Variants in TMOD4 observed in about 807,000 individuals in gnomAD.
TMOD4 encodes the protein tropomodulin-4.
Under a neutral mutation model 45.4 loss-of-function variants are expected in TMOD4, and 34 were observed. The observed-to-expected ratio is 0.75, with a 90% confidence interval of 0.57 to 1.00. TMOD4 has a LOEUF of 1.00. Ranked by LOEUF, TMOD4 falls within the 50% of genes least tolerant of loss-of-function variation. TMOD4 has a pLI of 0.00. For synonymous variants in TMOD4, 131 were observed against 153.9 expected (o/e 0.85, Z 1.10); for missense variants, 399 against 437.5 (o/e 0.91, Z 0.78).
chr1:151,171,764 C>A lies in TMOD4; in HGVS notation c.488-1G>T, dbSNP rs142974975. ...TTATACTTGTCAGGCTGTACCACAC[C>A]TGGTGAATGAGGGCAGGAAGGGAAC... On this transcript the variant is annotated splice_acceptor_variant, in intron 5 of 9. Transcript: ENST00000295314. LOFTEE classifies it high-confidence loss of function. 6 of 1,613,628 alleles carry A rather than the reference C, an allele frequency of 3.7e-6. No individual in the cohort carries two copies. Among genetic ancestry groups the A allele is most frequent in the Middle Eastern group, 3.3e-4 (2 of 6,052 alleles).
intron 7 of TMOD4, 28 bp downstream of exon 7, chr1:151,171,405 G>A: frequency 6.3e-7 from 1 of 1,584,620 alleles, no homozygotes; most frequent in Non-Finnish European, 8.7e-7. Context: ...GATGTGGGGA[G>A]AGGGCTGGGG....
intron 9 of TMOD4, 176 bp from the exon 10 acceptor site, chr1:151,170,279 T>G (rs1683905175): frequency 2.3e-6 from 2 of 853,884 alleles, no homozygotes; most frequent in African/African-American, 1.7e-5. Flanking sequence ...CAAATAAAAT[T>G]ACGATACCTC....
intron 1 of TMOD4, chr1:151,175,469 G>C (rs1367570200): frequency 6.6e-6 from 1 of 152,252 alleles, no homozygotes; most frequent in Non-Finnish European, 1.5e-5. Context: ...TTCACTTTCT[G>C]TGTTTGCTAA....
chr1:151,170,317 C>T, intron 9 of TMOD4: 3 of 850,892 alleles, frequency 3.5e-6, no homozygotes, highest in Non-Finnish European at 5.6e-6. Flanking sequence ...CTCTGGCATC[C>T]TTTCTACCTC....
chr1:151,170,818 G>A, intron 8 of TMOD4, 102 bp downstream of exon 8: 3 of 1,525,508 alleles, frequency 2.0e-6, no homozygotes, highest in Non-Finnish European at 2.7e-6. Context: ...CAATGAAGAG[G>A]AGAATTCAAG....
In TMOD4 at chr1:151,170,945, A is replaced by G; in HGVS notation, c.845T>C (p.Leu282Pro). ...VLKAVRENAT[L>P]TELRVDNQRQ... ...CTGATTGTCTACACGGAGCTCAGTG[A>G]GTGTGGCATTTTCCCGAACTGCCTT... is the stretch of plus-strand genomic sequence containing the variant. Residue 282 changes from leucine (L) to proline (P), a missense_variant, in exon 8 of 10, where the codon CTC becomes CCC. By Grantham distance (98) the Leu-to-Pro change is moderately conservative. Coordinates refer to ENST00000295314, the MANE Select transcript of TMOD4 (RefSeq NM_013353.3). 2 of 1,614,164 alleles carry G rather than the reference A, an allele frequency of 1.2e-6. No individual in the cohort carries two copies. The highest frequency in any genetic ancestry group is 1.7e-6 in the Non-Finnish European group (2 of 1,180,038).
chr1:151,171,873 T>A, intron 5 of TMOD4, 110 bp from the exon 6 acceptor site: 1 of 1,383,028 alleles, frequency 7.2e-7, no homozygotes, highest in Non-Finnish European at 9.6e-7. Context: ...TCTCGCTCTA[T>A]CCACCTAGGC....
chr1:151,170,055 G>A lies in TMOD4; in HGVS notation c.*26C>T, dbSNP rs1311146496. ...GATTTAAGTGTCCAGTGCTCCCAGCGCTAGTTGGTAAAGGGAAATGCAGTG... is the reference window on the plus strand; with the variant it reads ...GATTTAAGTGTCCAGTGCTCCCAGCACTAGTTGGTAAAGGGAAATGCAGTG... On this transcript the variant is annotated 3_prime_UTR_variant, in exon 10 of 10. Transcript: ENST00000295314. 24 of 1,613,626 alleles carry A rather than the reference G, an allele frequency of 1.5e-5. No homozygotes were observed. The highest frequency in any genetic ancestry group is 1.7e-5 in the Non-Finnish European group (20 of 1,179,666).
intron 8 of TMOD4, 86 bp downstream of exon 8, chr1:151,170,834 T>C (rs1261551252): frequency 1.3e-6 from 2 of 1,548,090 alleles, no homozygotes; most frequent in African/African-American, 2.7e-5. Flanking sequence ...TCAAGCAAGA[T>C]TAAGTAAGAT....
chr1:151,171,308 T>C (rs1365363284), intron 7 of TMOD4, 125 bp downstream of exon 7: 2 of 927,302 alleles, frequency 2.2e-6, no homozygotes, highest in Non-Finnish European at 3.4e-6. Context: ...GGTAGGAGTC[T>C]CCATGAGGGC....
intron 4 of TMOD4, 99 bp downstream of exon 4, chr1:151,173,400 T>C (rs966510222): frequency 1.2e-6 from 1 of 813,978 alleles, no homozygotes. Context: ...TTCTTAGACA[T>C]CCACATTCTG....
At chr1:151,171,290 G>T in intron 7 of TMOD4, 143 bp downstream of exon 7, 1 of 823,546 alleles carries the variant, frequency 1.2e-6, no homozygotes, top group East Asian at 2.5e-5. Context: ...ATGAGCCATA[G>T]CACTGAAGGT....
chr1:151,174,868 G>T lies in TMOD4; in HGVS notation c.8C>A (p.Ser3Ter). 6.2e-7 allele frequency: 1 copy of T among 1,614,138 alleles called. No homozygotes were observed. The highest frequency in any genetic ancestry group is 8.5e-7 in the Non-Finnish European group (1 of 1,180,030). The change falls in exon 2 of 10, where the codon TCA becomes TAA. Residue 3 changes from serine (S) to a stop codon, truncating the protein, a stop_gained. Transcript: ENST00000295314. LOFTEE classifies it high-confidence loss of function. ...GTATTTCTCCAGTTCCTTCTGATAT[G>T]ATGACATGGTGGCCCCCACCCCCTC... The part of the protein sequence containing the change: MS[S>*]YQKELEKYRD...
At chr1:151,175,598 G>A (rs1410253425) in intron 1 of TMOD4, 1 of 152,176 alleles carries the variant, frequency 6.6e-6, no homozygotes, top group African/African-American at 2.4e-5. Context: ...GGACAGGAAG[G>A]TGACACCAGA....
At chr1:151,171,317 G>A (rs905609538) in intron 7 of TMOD4, 116 bp downstream of exon 7, 2 of 987,780 alleles carry the variant, frequency 2.0e-6, no homozygotes, top group Non-Finnish European at 3.1e-6. Context: ...CTCCATGAGG[G>A]CTGCCCTAAG....
rs1275676944 is a variant in TMOD4, at chr1:151,171,001, G to T, written c.789C>A (p.Phe263Leu). The change falls in exon 8 of 10, where the codon TTC becomes TTA. Residue 263 changes from phenylalanine (F) to leucine (L), a missense_variant. Physicochemically the swap from Phe to Leu is conservative, Grantham distance 22. Transcript: ENST00000295314. ...SLQSLNIESN[F>L]ISSTGLMAVL... ...CAGCCATGAGTCCTGTGCTGCTAAT[G>T]AAGTTGGATTCGATGTTTAGGCTCT... 3.7e-6 allele frequency: 6 copies of T among 1,614,076 alleles called. No individual in the cohort carries two copies. Among genetic ancestry groups the T allele is most frequent in the Non-Finnish European group, 5.1e-6 (6 of 1,180,052 alleles).
intron 1 of TMOD4, chr1:151,175,632 G>T (rs1005679897): frequency 6.6e-6 from 1 of 152,112 alleles, no homozygotes; most frequent in Non-Finnish European, 1.5e-5. Context: ...ATAGGGTAAA[G>T]TTTCTTTAAA....
In TMOD4 at chr1:151,174,878, T is replaced by A. The variant is rs754831862; in HGVS notation, c.-3A>T. The A allele has an allele frequency of 1.9e-6, 3 of 1,614,138 alleles. No individual in the cohort carries two copies. The highest frequency in any genetic ancestry group is 3.3e-5 in the Admixed American group (2 of 60,006). On this transcript the variant is annotated 5_prime_UTR_variant, in exon 2 of 10. Transcript: ENST00000295314. ...AGTTCCTTCTGATATGATGACATGG[T>A]GGCCCCCACCCCCTCCCCACTGTGT...
At chr1:151,170,232 A>G in intron 9 of TMOD4, 129 bp from the exon 10 acceptor site, 2 of 1,049,378 alleles carry the variant, frequency 1.9e-6, no homozygotes, top group East Asian at 2.4e-5. Flanking sequence ...TTACAGGCCC[A>G]TCCCACATTA....
Sources: allele counts gnomAD v4.1 joint callset, GRCh38; gene constraint gnomAD v4.1.1; transcripts MANE v1.5; gene names NCBI Gene and HGNC (gene_info 2026-07-23, HGNC 2026-07-21).